The following ADK variants were observed in gnomAD, a reference collection of about 807,000 sequenced individuals.
ADK encodes adenosine kinase.
ADK carries 24 observed loss-of-function variants against 44.7 expected under a neutral mutation model. That is an observed-to-expected ratio of 0.54 (90% confidence interval 0.39 to 0.76). ADK has a LOEUF of 0.76. Ranked by LOEUF, ADK falls within the 30% of genes least tolerant of loss-of-function variation. The pLI is 0.00. For missense variants in ADK, 321 were observed against 425.1 expected, an observed-to-expected ratio of 0.76 and a Z score of 2.15; for synonymous variants, 128 against 142.6, an observed-to-expected ratio of 0.90 and a Z score of 0.73.
intron 9 of ADK, among the ~76,000 whole-genome samples, chr10:74,607,164 A>G (rs967172549): frequency 6.6e-6 from 1 of 152,140 alleles, no homozygotes; most frequent in Non-Finnish European, 1.5e-5. Flanking sequence ...TAGCACACCA[A>G]TGGGCCTTGA....
chr10:74,699,754 CAG>C (rs912360732), intron 10 of ADK, among the ~76,000 whole-genome samples: 1 of 152,134 alleles, frequency 6.6e-6, no homozygotes, highest in African/African-American at 2.4e-5. Flanking sequence ...AATTAATTCA[CAG>C]AGAGATTTGT....
At chr10:74,176,500 G>A in intron 1 of ADK, 2 of 1,177,006 alleles carry the variant, frequency 1.7e-6, no homozygotes, top group Middle Eastern at 3.6e-4. Flanking sequence ...GGCCATTTTT[G>A]GGGCGGGCAC....
intron 4 of ADK, among the ~76,000 whole-genome samples, chr10:74,351,093 C>T (rs1275487885): frequency 2.0e-5 from 3 of 152,166 alleles, no homozygotes; most frequent in African/African-American, 7.2e-5. Context: ...CCAGCATCAT[C>T]CTGATTCCAA....
intron 4 of ADK, among the ~76,000 whole-genome samples, chr10:74,322,620 A>G (rs1424494246): frequency 6.6e-6 from 1 of 152,076 alleles, no homozygotes; most frequent in Non-Finnish European, 1.5e-5. Context: ...TATATTTTTG[A>G]TGTGTTTGTG....
intron 4 of ADK, among the ~76,000 whole-genome samples, chr10:74,379,230 C>G (rs1842910533): frequency 1.3e-5 from 2 of 152,136 alleles, no homozygotes; most frequent in Admixed American, 1.3e-4. Flanking sequence ...GTTAGGAAAT[C>G]ATCGCAACAG....
intron 6 of ADK, among the ~76,000 whole-genome samples, chr10:74,442,567 A>G (rs1254213221): frequency 6.6e-6 from 1 of 152,194 alleles, no homozygotes; most frequent in Non-Finnish European, 1.5e-5. Flanking sequence ...AATCGCTCAA[A>G]CCCAGGAGGT....
At chr10:74,706,028 T>C (rs915249194) in intron 10 of ADK, among the ~76,000 whole-genome samples, 6 of 152,242 alleles carry the variant, frequency 3.9e-5, no homozygotes, top group Non-Finnish European at 7.3e-5. Context: ...AGATTATTTT[T>C]TCTTCTATAA....
At chr10:74,424,063 T>A (rs1332171870) in intron 6 of ADK, 1 of 153,748 alleles carries the variant, frequency 6.5e-6, no homozygotes, top group African/African-American at 2.4e-5. Flanking sequence ...ACGGGAGCCA[T>A]TGCTATGCAA....
intron 5 of ADK, among the ~76,000 whole-genome samples, chr10:74,394,548 A>G (rs562497289): frequency 6.6e-6 from 1 of 152,298 alleles, no homozygotes; most frequent in Non-Finnish European, 1.5e-5. Flanking sequence ...TCCAGTCTCT[A>G]CTTTTTATAA....
At chr10:74,549,696 C>T (rs569518859) in intron 7 of ADK, among the ~76,000 whole-genome samples, 1 of 152,308 alleles carries the variant, frequency 6.6e-6, no homozygotes, top group African/African-American at 2.4e-5. Context: ...CTCGGCCTCC[C>T]AAGATCCTGG....
intron 9 of ADK, among the ~76,000 whole-genome samples, chr10:74,647,511 T>G (rs150057602): frequency 6.6e-6 from 1 of 152,140 alleles, no homozygotes; most frequent in Admixed American, 6.6e-5. Context: ...CGGGGAGATA[T>G]TACTATATAC....
chr10:74,288,004 G>GA (rs1331300211), intron 3 of ADK, among the ~76,000 whole-genome samples: 4 of 145,132 alleles, frequency 2.8e-5, no homozygotes, highest in Non-Finnish European at 4.5e-5. Flanking sequence ...AAAAAAAAGA[G>GA]AAAAAAAAAT....
intron 3 of ADK, among the ~76,000 whole-genome samples, chr10:74,266,328 G>C (rs1248017087): frequency 6.6e-6 from 1 of 152,164 alleles, no homozygotes; most frequent in Non-Finnish European, 1.5e-5. Context: ...GGAGGCCGAG[G>C]TGGGTGGATC....
chr10:74,200,893 G>A (rs542231288), intron 2 of ADK, 55 bp downstream of exon 2: 32 of 1,202,052 alleles, frequency 2.7e-5, no homozygotes, highest in Non-Finnish European at 3.9e-5. Context: ...GAAGAAGAAT[G>A]GATGAAAACT....
intron 4 of ADK, among the ~76,000 whole-genome samples, chr10:74,356,416 G>A (rs983646113): frequency 6.6e-6 from 1 of 152,042 alleles, no homozygotes; most frequent in African/African-American, 2.4e-5. Flanking sequence ...TTCACTAGTG[G>A]ATCACACTCT....
At chr10:74,297,980 TA>T (rs1276948914) in intron 3 of ADK, among the ~76,000 whole-genome samples, 6 of 152,138 alleles carry the variant, frequency 3.9e-5, no homozygotes, top group Non-Finnish European at 1.5e-5. Context: ...TATAACACTG[TA>T]TTTTTTTTTT....
At chr10:74,597,039 T>A (rs529539049) in intron 8 of ADK, among the ~76,000 whole-genome samples, 2 of 152,346 alleles carry the variant, frequency 1.3e-5, no homozygotes, top group Non-Finnish European at 2.9e-5. Context: ...TCTTCTTCGT[T>A]ATAGATACTA....
At chr10:74,496,778 A>G (rs12779371) in intron 6 of ADK, among the ~76,000 whole-genome samples, 3,324 of 152,256 alleles carry the variant, frequency 0.022, 57 homozygotes, top group Non-Finnish European at 0.038. Context: ...CAGAAATACT[A>G]TCTTAAAATC....
intron 3 of ADK, among the ~76,000 whole-genome samples, chr10:74,294,538 T>A (rs1839743309): frequency 6.6e-6 from 1 of 152,028 alleles, no homozygotes; most frequent in African/African-American, 2.4e-5. Context: ...CTGCCTGCCT[T>A]GGCCTCCCAA....
Sources: gnomAD v4.1 joint callset for allele counts (sites outside exome capture counted in the v4.1 genomes callset) on GRCh38, gnomAD v4.1.1 for gene constraint, MANE v1.5 for transcripts, NCBI Gene and HGNC (gene_info 2026-07-23, HGNC 2026-07-21) for gene names.